Variants in SPAG17 observed in about 807,000 individuals in gnomAD.
The protein encoded by SPAG17 is sperm-associated antigen 17.
Under a neutral mutation model 273.6 loss-of-function variants are expected in SPAG17, and 169 were observed. The observed-to-expected ratio is 0.62, with a 90% CI of 0.55 to 0.70. SPAG17 has a LOEUF of 0.70. Among genes scored for constraint, SPAG17 ranks in the 30% least tolerant of loss-of-function variants. SPAG17 has a pLI of 0.00. For synonymous variants in SPAG17, 825 were observed against 873.2 expected (o/e 0.94, Z 0.97); for missense variants, 2,557 against 2,627.8 (o/e 0.97, Z 0.59).
At position 118,039,274 on chromosome 1, in the gene SPAG17, C is replaced by A; in HGVS notation, c.3319+18G>T. On this transcript the variant is annotated intron_variant, in intron 23 of 48. Coordinates refer to ENST00000336338, the MANE Select transcript of SPAG17 (RefSeq NM_206996.4). ...GGAGTATTAGTCAGAAGAAAGAAAC[C>A]ACTAAACAGCAGCTTACCCGTTTCA... 6.2e-7 allele frequency: 1 copy of A among 1,609,218 alleles called. No individual in the cohort carries two copies. The highest frequency in any genetic ancestry group is 8.5e-7 in the Non-Finnish European group (1 of 1,177,922).
chr1:118,099,469 A>G, intron 6 of SPAG17, 137 bp downstream of exon 6: 1 of 930,328 alleles, frequency 1.1e-6, no homozygotes, highest in Non-Finnish European at 1.7e-6. Flanking sequence ...AGCAGAGTAA[A>G]TGGCAAATCA....
At chr1:117,981,746 C>T (rs953820146) in intron 42 of SPAG17, among the ~76,000 whole-genome samples, 4 of 152,144 alleles carry the variant, frequency 2.6e-5, no homozygotes, top group African/African-American at 7.2e-5. Flanking sequence ...TACCTGGTAA[C>T]GGCAACTGAG....
rs1290730308 is a variant in SPAG17 at position 117,953,774 on chromosome 1, G to A, written c.*276C>T. The A allele has an allele frequency of 1.5e-5, 9 of 607,348 alleles. No homozygotes were observed. The highest frequency in any genetic ancestry group is 1.9e-5 in the African/African-American group (1 of 53,820). The allele number at this position is 607,348 out of a possible 1,614,324, so 37.6% of individuals were successfully genotyped here. A position where few individuals can be genotyped will look rare whatever the true frequency, so the allele number is the denominator to read the frequency against. ...GTTCCTGGGACCTGCCCTATTCAGAGTGTCTAGATATCATCCCACCTGAGT... is the reference window on the plus strand; with the variant it reads ...GTTCCTGGGACCTGCCCTATTCAGAATGTCTAGATATCATCCCACCTGAGT... On this transcript the variant is annotated 3_prime_UTR_variant, in exon 49 of 49. Coordinates refer to ENST00000336338, the MANE Select transcript of SPAG17 (RefSeq NM_206996.4).
chr1:118,004,335 C>T (rs902467329), intron 32 of SPAG17, among the ~76,000 whole-genome samples: 3 of 152,220 alleles, frequency 2.0e-5, no homozygotes, highest in East Asian at 3.8e-4. Flanking sequence ...GGGAGAACCA[C>T]TGCTCTCTTC....
At chr1:118,114,212 T>C (rs1425066677) in intron 4 of SPAG17, among the ~76,000 whole-genome samples, 2 of 152,110 alleles carry the variant, frequency 1.3e-5, no homozygotes, top group African/African-American at 2.4e-5. Flanking sequence ...CCCAACACGA[T>C]GGAAAGAGTT....
intron 41 of SPAG17, 139 bp from the exon 42 acceptor site, chr1:117,984,052 G>A (rs1656129527): frequency 3.8e-6 from 2 of 521,900 alleles, no homozygotes. Context: ...AATTCTACAA[G>A]AGACTGATTA....
At chr1:118,099,932 G>GCCAA in intron 5 of SPAG17, 132 bp from the exon 6 acceptor site, 1 of 693,110 alleles carries the variant, frequency 1.4e-6, no homozygotes, top group Non-Finnish European at 2.3e-6. Flanking sequence ...GATCCAGTTG[G>GCCAA]CTGGAATGCA....
chr1:118,176,535 A>G (rs904200806), intron 1 of SPAG17, among the ~76,000 whole-genome samples: 32 of 152,218 alleles, frequency 2.1e-4, no homozygotes, highest in African/African-American at 7.5e-4. Context: ...TATGCATTCA[A>G]TATCAGAGCT....
chr1:118,015,836 A>G, intron 29 of SPAG17, 129 bp downstream of exon 29: 1 of 801,268 alleles, frequency 1.2e-6, no homozygotes, highest in Non-Finnish European at 2.0e-6. Context: ...CCATCCATCC[A>G]CCCATCCATC....
intron 10 of SPAG17, among the ~76,000 whole-genome samples, chr1:118,088,909 G>C (rs1169436733): frequency 6.6e-6 from 1 of 152,112 alleles, no homozygotes; most frequent in African/African-American, 2.4e-5. Context: ...GAAGATAGAA[G>C]ACTTTCTTAG....
chr1:118,137,611 T>A (rs1306145701), intron 3 of SPAG17, among the ~76,000 whole-genome samples: 1 of 152,212 alleles, frequency 6.6e-6, no homozygotes, highest in Admixed American at 6.5e-5. Context: ...AACTACTAAA[T>A]CCGTAATTAT....
At chr1:118,057,319 A>G (rs1177836762) in intron 18 of SPAG17, among the ~76,000 whole-genome samples, 2 of 152,168 alleles carry the variant, frequency 1.3e-5, no homozygotes, top group African/African-American at 2.4e-5. Flanking sequence ...GATTTCTGCA[A>G]TAGCCTCCAA....
rs554965273 is a variant in SPAG17 at position 118,061,997 on chromosome 1, A to G, written c.2540+4748T>C. Reference sequence around the variant, plus strand: ...ACCAAGAGGAAAATACTGTCAGACTAAATTTTTTAAAAAATCCCAGGTACA... The same window carrying G: ...ACCAAGAGGAAAATACTGTCAGACTGAATTTTTTAAAAAATCCCAGGTACA... On this transcript the variant is annotated intron_variant, in intron 18 of 48. Transcript: ENST00000336338. 7.2e-5 allele frequency among the ~76,000 whole-genome samples: 11 copies of G among 152,308 alleles called. No homozygotes were observed. In the East Asian group the frequency reaches 2.1e-3, roughly 29 times the overall value.
chr1:118,003,936 CCA>C (rs1346943668), intron 32 of SPAG17, among the ~76,000 whole-genome samples: 1 of 152,188 alleles, frequency 6.6e-6, no homozygotes, highest in Non-Finnish European at 1.5e-5. Flanking sequence ...TGGTTTCTCC[CCA>C]CCTTTGTCGT....
Position 118,093,267 on chromosome 1 carries a change from G to C in SPAG17, c.1062C>G (p.Asp354Glu), listed in dbSNP as rs1295278584. 1 of 1,613,298 alleles carries C rather than the reference G, an allele frequency of 6.2e-7. No individual in the cohort carries two copies. The highest frequency in any genetic ancestry group is 8.5e-7 in the Non-Finnish European group (1 of 1,179,698). ...GGTGCTGCCTTTTCCAATCCAGGAT[G>C]TCATACATCAAGCAGGCAATATTTT... ...IFENIACLMY[D>E]ILDWKRQHQH... Residue 354 changes from aspartate to glutamate, a missense_variant, in exon 8 of 49, where the codon GAC (aspartate) becomes GAG (glutamate). By Grantham distance (45) the Asp-to-Glu change is conservative. Transcript: ENST00000336338.
intron 3 of SPAG17, among the ~76,000 whole-genome samples, chr1:118,125,487 T>C (rs899462756): frequency 1.5e-4 from 23 of 152,178 alleles, no homozygotes; most frequent in South Asian, 2.1e-4. Flanking sequence ...TCCTATCTAG[T>C]GGTAATTTTG....
chr1:117,977,712 T>TG (rs1655292099), intron 43 of SPAG17, among the ~76,000 whole-genome samples: 1 of 152,226 alleles, frequency 6.6e-6, no homozygotes, highest in African/African-American at 2.4e-5. Flanking sequence ...CCTCGGTATC[T>TG]GGGGGTGCAG....
intron 1 of SPAG17, among the ~76,000 whole-genome samples, chr1:118,169,770 C>A (rs182365355): frequency 5.3e-5 from 8 of 152,276 alleles, no homozygotes; most frequent in South Asian, 4.1e-4. Flanking sequence ...CTCATATCCA[C>A]TTTCCAGCCC....
chr1:118,066,617 C>T, intron 18 of SPAG17, 128 bp downstream of exon 18: 2 of 713,350 alleles, frequency 2.8e-6, no homozygotes, highest in Non-Finnish European at 4.6e-6. Flanking sequence ...ATCTATAGTA[C>T]TACACAAATG....
Sources: gnomAD v4.1 joint callset for allele counts (sites outside exome capture counted in the v4.1 genomes callset) on GRCh38, gnomAD v4.1.1 for gene constraint, MANE v1.5 for transcripts, NCBI Gene and HGNC (gene_info 2026-07-23, HGNC 2026-07-21) for gene names.